Variants in ASTN2 observed in about 807,000 individuals in gnomAD.
The protein encoded by ASTN2 is astrotactin-2.
A neutral mutation model predicts 139.8 loss-of-function variants in ASTN2; 54 were observed. The ratio of observed to expected loss-of-function variants is 0.39; its 90% CI spans 0.31 to 0.48. ASTN2 has a LOEUF of 0.48. Among genes scored for constraint, ASTN2 ranks in the 20% least tolerant of loss-of-function variants. The pLI, the probability that ASTN2 is intolerant of heterozygous loss-of-function variation, is 0.95. For synonymous variants in ASTN2, 756 were observed against 719.5 expected (o/e 1.05, Z -0.81); for missense variants, 1,565 against 1,725.1 (o/e 0.91, Z 1.64).
At chr9:116,596,727 G>A (rs1260567994) in intron 19 of ASTN2, among the ~76,000 whole-genome samples, 1 of 152,104 alleles carries the variant, frequency 6.6e-6, no homozygotes, top group Non-Finnish European at 1.5e-5. Flanking sequence ...AATACTGAGG[G>A]ATGTGATAGA....
chr9:116,710,756 A>G (rs74553936), intron 16 of ASTN2, among the ~76,000 whole-genome samples: 1 of 133,998 alleles, frequency 7.5e-6, no homozygotes, highest in African/African-American at 2.8e-5. Context: ...AAAAAAAAAA[A>G]AGAAGAGAAA....
At chr9:116,685,775 A>G (rs1860165195) in intron 16 of ASTN2, among the ~76,000 whole-genome samples, 1 of 152,136 alleles carries the variant, frequency 6.6e-6, no homozygotes, top group Admixed American at 6.5e-5. Flanking sequence ...TTAAGGGAGA[A>G]GAGAGATTTT....
chr9:116,721,974 C>G (rs954029443), intron 16 of ASTN2, among the ~76,000 whole-genome samples: 5 of 152,196 alleles, frequency 3.3e-5, no homozygotes, highest in African/African-American at 1.2e-4. Flanking sequence ...CTGATCATCT[C>G]AATGATCCCA....
rs147528361 is a variant in ASTN2, at chr9:117,397,281, C to A, written c.442+17216G>T. 4.9e-3 allele frequency among the ~76,000 whole-genome samples: 749 copies of A among 152,142 alleles called. 4 individuals are homozygous for A. Among genetic ancestry groups the A allele is most frequent in the African/African-American group, 0.017 (707 of 41,490 alleles). On this transcript the variant is annotated intron_variant, in intron 1 of 22. Transcript: ENST00000313400. ...ACTCTTTATTTAAAAATGTACAAAA[C>A]TTAATGAAATATTCTGCAAATTAAA... is the stretch of plus-strand genomic sequence containing the variant.
chr9:117,262,459 A>G (rs1833848320), intron 2 of ASTN2, among the ~76,000 whole-genome samples: 1 of 150,626 alleles, frequency 6.6e-6, no homozygotes, highest in Middle Eastern at 3.4e-3. Context: ...CATTTTTAAT[A>G]AAGACCTAGT....
At chr9:116,660,720 CAAG>C (rs1336028104) in intron 16 of ASTN2, among the ~76,000 whole-genome samples, 23 of 152,272 alleles carry the variant, frequency 1.5e-4, no homozygotes, top group African/African-American at 5.5e-4. Flanking sequence ...CTTCTACCTA[CAAG>C]AAGACAGTAG....
At chr9:117,081,334 C>G (rs1828421964) in intron 5 of ASTN2, among the ~76,000 whole-genome samples, 1 of 152,080 alleles carries the variant, frequency 6.6e-6, no homozygotes, top group Non-Finnish European at 1.5e-5. Context: ...CATGTTCTAC[C>G]CAGAATCCAT....
intron 6 of ASTN2, among the ~76,000 whole-genome samples, chr9:117,024,783 C>A (rs1838008073): frequency 6.6e-6 from 1 of 152,034 alleles, no homozygotes; most frequent in East Asian, 1.9e-4. Context: ...TTGGCTGTGT[C>A]CACACCCAAA....
intron 19 of ASTN2, among the ~76,000 whole-genome samples, chr9:116,511,549 T>C (rs1428557493): frequency 6.6e-6 from 1 of 152,202 alleles, no homozygotes; most frequent in Non-Finnish European, 1.5e-5. Flanking sequence ...CCACTTTTTC[T>C]ATTGATTGGA....
intron 19 of ASTN2, among the ~76,000 whole-genome samples, chr9:116,538,132 A>G (rs1408117991): frequency 6.6e-6 from 1 of 152,170 alleles, no homozygotes; most frequent in African/African-American, 2.4e-5. Context: ...ATAGGAATGA[A>G]TAAGAGCTAT....
chr9:116,677,235 A>G (rs1376634493), intron 16 of ASTN2, among the ~76,000 whole-genome samples: 2 of 152,110 alleles, frequency 1.3e-5, no homozygotes, highest in Non-Finnish European at 1.5e-5. Flanking sequence ...TAATGCATAC[A>G]TGAGAGGCAC....
intron 7 of ASTN2, among the ~76,000 whole-genome samples, chr9:117,000,709 A>G (rs1837169902): frequency 6.6e-6 from 1 of 152,166 alleles, no homozygotes; most frequent in South Asian, 2.1e-4. Context: ...TCAAGCCTCC[A>G]CTAGCCACTT....
At chr9:117,036,982 T>A (rs1007854998) in intron 6 of ASTN2, among the ~76,000 whole-genome samples, 4 of 152,160 alleles carry the variant, frequency 2.6e-5, no homozygotes, top group Non-Finnish European at 5.9e-5. Context: ...TTTTCCTTGA[T>A]TCAGTATCTG....
chr9:116,700,367 C>A (rs1474224185), intron 16 of ASTN2: 1 of 167,496 alleles, frequency 6.0e-6, no homozygotes, highest in African/African-American at 2.4e-5. Flanking sequence ...AATGGATTGA[C>A]CCTAGTTGGT....
chr9:117,210,745 C>T (rs541819798), intron 3 of ASTN2, among the ~76,000 whole-genome samples: 97 of 151,846 alleles, frequency 6.4e-4, no homozygotes, highest in Non-Finnish European at 1.0e-3. Flanking sequence ...CAAACAAGGA[C>T]ACACACACAA....
intron 17 of ASTN2, among the ~76,000 whole-genome samples, chr9:116,638,545 A>C (rs79821993): frequency 1.5e-3 from 228 of 151,760 alleles, no homozygotes; most frequent in African/African-American, 5.3e-3. Context: ...CAAAAAAAAA[A>C]CCATCAAGCC....
intron 3 of ASTN2, among the ~76,000 whole-genome samples, chr9:117,187,862 G>T (rs1362378814): frequency 6.6e-6 from 1 of 152,174 alleles, no homozygotes; most frequent in South Asian, 2.1e-4. Context: ...CTACATCTGT[G>T]TAGTATGTTA....
At chr9:116,974,506 C>CAT (rs1836291584) in intron 10 of ASTN2, among the ~76,000 whole-genome samples, 1 of 110,922 alleles carries the variant, frequency 9.0e-6, no homozygotes, top group Non-Finnish European at 1.8e-5. Flanking sequence ...TTAGCCTGGA[C>CAT]TTTTTTTTTT....
At chr9:117,032,968 T>C (rs778896987) in intron 6 of ASTN2, among the ~76,000 whole-genome samples, 14 of 152,266 alleles carry the variant, frequency 9.2e-5, no homozygotes, top group African/African-American at 2.9e-4. Context: ...CATTTTAGCA[T>C]AGGTATTTTG....
Sources: gnomAD v4.1 joint callset for allele counts (sites outside exome capture counted in the v4.1 genomes callset) on GRCh38, gnomAD v4.1.1 for gene constraint, MANE v1.5 for transcripts, NCBI Gene and HGNC (gene_info 2026-07-23, HGNC 2026-07-21) for gene names.